Variants in TNR observed in about 807,000 individuals in gnomAD.
TNR encodes tenascin-R.
A neutral mutation model predicts 150.4 loss-of-function variants in TNR; 45 were observed. The ratio of observed to expected loss-of-function variants is 0.30; its 90% CI spans 0.24 to 0.38. The LOEUF (loss-of-function observed/expected upper bound fraction) is 0.38. Ranked by LOEUF, TNR falls within the 10% of genes least tolerant of loss-of-function variation. The pLI is 1.00. For synonymous variants in TNR, 687 were observed against 678.4 expected (o/e 1.01, Z -0.20); for missense variants, 1,544 against 1,759.1 (o/e 0.88, Z 2.19).
chr1:175,734,928 A>C (rs556301896), intron 1 of TNR, among the ~76,000 whole-genome samples: 1 of 152,322 alleles, frequency 6.6e-6, no homozygotes, highest in South Asian at 2.1e-4. Context: ...ATTGATCTGC[A>C]CCTGAAGTGT....
intron 2 of TNR, among the ~76,000 whole-genome samples, chr1:175,464,113 A>G (rs1656931268): frequency 6.6e-6 from 1 of 152,250 alleles, no homozygotes; most frequent in Non-Finnish European, 1.5e-5. Context: ...GATCTAAGCC[A>G]CAAATCTCTT....
intron 1 of TNR, among the ~76,000 whole-genome samples, chr1:175,585,428 T>C (rs533627120): frequency 2.6e-5 from 4 of 152,336 alleles, no homozygotes; most frequent in African/African-American, 7.2e-5. Flanking sequence ...AAAAACATTA[T>C]CTTGTTAATT....
chr1:175,461,240 A>C (rs919504228), intron 2 of TNR, among the ~76,000 whole-genome samples: 1 of 152,174 alleles, frequency 6.6e-6, no homozygotes, highest in African/African-American at 2.4e-5. Flanking sequence ...ACTGACCTGC[A>C]GTTGGGGTTC....
chr1:175,722,277 C>T (rs185392870), intron 1 of TNR, among the ~76,000 whole-genome samples: 128 of 152,236 alleles, frequency 8.4e-4, no homozygotes, highest in African/African-American at 2.8e-3. Flanking sequence ...GATCCTGCCA[C>T]GGGTTTTCTG....
Position 175,599,553 on chromosome 1 carries a change from T to C in TNR, c.-164-71184A>G, listed in dbSNP as rs901917714. Among the ~76,000 whole-genome samples, 14 of 152,316 alleles carry C rather than the reference T, an allele frequency of 9.2e-5. No individual in the cohort carries two copies. Among genetic ancestry groups the C allele is most frequent in the African/African-American group, 3.1e-4 (13 of 41,590 alleles). The stretch of plus-strand genomic sequence containing the variant: ...GCGGCGCGGTTAATGGGGTCTCTGC[T>C]GGGCTAGTGTCCCGCATCAGCGGTA... On this transcript the variant is annotated intron_variant, in intron 1 of 22. Transcript: ENST00000367674. This position sits in a 1 kb window ranked among gnomAD's most constrained non-coding sequence, Gnocchi z 4.7.
intron 1 of TNR, among the ~76,000 whole-genome samples, chr1:175,656,197 G>T (rs866552102): frequency 6.8e-4 from 83 of 122,398 alleles, no homozygotes; most frequent in African/African-American, 2.3e-3. Flanking sequence ...TGTGTATGTG[G>T]TCTACCTTTT....
At chr1:175,447,795 G>C (rs569497182) in intron 2 of TNR, among the ~76,000 whole-genome samples, 9 of 152,272 alleles carry the variant, frequency 5.9e-5, no homozygotes, top group African/African-American at 1.9e-4. Context: ...GATGTGTGGA[G>C]CTCAACAAGG....
chr1:175,472,541 G>A (rs1054067575), intron 2 of TNR, among the ~76,000 whole-genome samples: 3 of 152,184 alleles, frequency 2.0e-5, no homozygotes, highest in South Asian at 2.1e-4. Context: ...AAACACGTGA[G>A]TAATGCATTG....
chr1:175,334,949 G>A (rs938142398), intron 20 of TNR, among the ~76,000 whole-genome samples: 1 of 152,206 alleles, frequency 6.6e-6, no homozygotes, highest in Non-Finnish European at 1.5e-5. Flanking sequence ...AGGCAGAGAG[G>A]CCGGTAAGAA....
chr1:175,727,138 C>T (rs73037242), intron 1 of TNR, among the ~76,000 whole-genome samples: 7,828 of 152,286 alleles, frequency 0.051, 618 homozygotes, highest in African/African-American at 0.17. Flanking sequence ...TGCTGGTTGA[C>T]CTTGTTGTCT....
At chr1:175,343,356 C>A (rs775370096) in intron 18 of TNR, among the ~76,000 whole-genome samples, 3 of 152,162 alleles carry the variant, frequency 2.0e-5, no homozygotes, top group African/African-American at 7.2e-5. Context: ...CTGGAATGCT[C>A]TTCTTTGTGG....
At chr1:175,520,168 T>G (rs1659577375) in intron 2 of TNR, among the ~76,000 whole-genome samples, 1 of 152,202 alleles carries the variant, frequency 6.6e-6, no homozygotes, top group African/African-American at 2.4e-5. Flanking sequence ...GGACTCTATT[T>G]TTTCCCTAGC....
intron 12 of TNR, 64 bp from the exon 13 acceptor site, chr1:175,363,891 C>T (rs1651714098): frequency 6.4e-7 from 1 of 1,554,882 alleles, no homozygotes; most frequent in Admixed American, 1.9e-5. Flanking sequence ...AAATTCTCAT[C>T]CCTGGTTTTA....
intron 1 of TNR, among the ~76,000 whole-genome samples, chr1:175,646,298 G>C: frequency 6.6e-6 from 1 of 152,106 alleles, no homozygotes; most frequent in Non-Finnish European, 1.5e-5. Flanking sequence ...CATTGACTGG[G>C]TCACTTTTTA....
At chr1:175,362,291 G>GA (rs1260985307) in intron 14 of TNR, among the ~76,000 whole-genome samples, 2 of 152,118 alleles carry the variant, frequency 1.3e-5, no homozygotes, top group African/African-American at 4.8e-5. Flanking sequence ...TCCATTACTG[G>GA]AATAACAACC....
chr1:175,621,578 A>G (rs1026117205), intron 1 of TNR, among the ~76,000 whole-genome samples: 2 of 152,170 alleles, frequency 1.3e-5, no homozygotes, highest in Non-Finnish European at 2.9e-5. Flanking sequence ...AGTAGTACCT[A>G]TCTCATAGGG....
chr1:175,403,081 C>T, intron 4 of TNR, 59 bp downstream of exon 4: 1 of 1,397,950 alleles, frequency 7.2e-7, no homozygotes, highest in Non-Finnish European at 1.0e-6. Flanking sequence ...TAACTGGAGG[C>T]ATCCAGCTAG....
chr1:175,413,138 G>T (rs138789722), intron 2 of TNR, among the ~76,000 whole-genome samples: 1,699 of 152,246 alleles, frequency 0.011, 16 homozygotes, highest in Non-Finnish European at 0.017. Context: ...CAATTCTCCT[G>T]CCTCAGCCTC....
At chr1:175,515,608 C>T (rs1415630439) in intron 2 of TNR, among the ~76,000 whole-genome samples, 1 of 152,164 alleles carries the variant, frequency 6.6e-6, no homozygotes, top group Non-Finnish European at 1.5e-5. Context: ...AGAGATGAGG[C>T]TGGAAAGACA....
Sources: allele counts gnomAD v4.1 joint callset (sites outside exome capture counted in the v4.1 genomes callset), GRCh38; gene constraint gnomAD v4.1.1; non-coding constraint Gnocchi (gnomAD v3.1); transcripts MANE v1.5; gene names NCBI Gene and HGNC (gene_info 2026-07-23, HGNC 2026-07-21).